Variants in KIF26B observed in about 807,000 individuals in gnomAD.
KIF26B encodes kinesin family member 26B.
Under a neutral mutation model 151.2 loss-of-function variants are expected in KIF26B, and 63 were observed. That is an observed-to-expected ratio of 0.42 (90% CI 0.34 to 0.51). The LOEUF (loss-of-function observed/expected upper bound fraction) is 0.51. KIF26B is among the 20% of genes least tolerant of loss of function. The pLI, the probability that KIF26B is intolerant of heterozygous loss-of-function variation, is 0.07. For synonymous variants in KIF26B, 1,357 were observed against 1,262.1 expected (o/e 1.08, Z -1.59); for missense variants, 2,813 against 2,913.6 (o/e 0.97, Z 0.79).
At position 245,687,863 on chromosome 1, in the gene KIF26B, T is replaced by A; in HGVS notation, c.4880T>A (p.Leu1627Gln). The A allele has an allele frequency of 6.3e-7, 1 of 1,593,296 alleles. No individual in the cohort carries two copies. Among genetic ancestry groups the A allele is most frequent in the South Asian group, 1.1e-5 (1 of 87,488 alleles). ...SASGSGTSSP[L>Q]NQPAAFPAGL... ...AGCGGCAGCGGCACCAGCAGCCCCC[T>A]GAACCAACCAGCCGCCTTCCCGGCG... The change falls in exon 12 of 15, where the codon CTG becomes CAG. Residue 1627 changes from leucine (L) to glutamine (Q), a missense_variant. Physicochemically the swap from Leu to Gln is moderately radical, Grantham distance 113. Transcript: ENST00000407071. The surrounding 1 kb of genome is among the most constrained non-coding windows in gnomAD (Gnocchi z 4.9).
intron 4 of KIF26B, among the ~76,000 whole-genome samples, chr1:245,474,204 G>A (rs539872997): frequency 2.4e-5 from 3 of 126,778 alleles, no homozygotes; most frequent in African/African-American, 5.7e-5. Context: ...TGCCTCCCGG[G>A]TTCAAGTCAT....
chr1:245,529,601 A>G (rs1452750791), intron 4 of KIF26B, among the ~76,000 whole-genome samples: 29 of 152,194 alleles, frequency 1.9e-4, no homozygotes. Context: ...TTTTGTGTAC[A>G]AAAGTGTCTA....
chr1:245,423,125 G>C (rs1023669558), intron 4 of KIF26B, among the ~76,000 whole-genome samples: 1 of 148,236 alleles, frequency 6.7e-6, no homozygotes, highest in Non-Finnish European at 1.5e-5. Context: ...AGGAAAGAAA[G>C]AAAGAAAGAA....
At chr1:245,435,915 C>T (rs545953293) in intron 4 of KIF26B, among the ~76,000 whole-genome samples, 37 of 152,244 alleles carry the variant, frequency 2.4e-4, no homozygotes, top group East Asian at 9.6e-4. Flanking sequence ...CAGTGGCTCA[C>T]GCCTGTAAAT....
At chr1:245,230,820 A>G (rs1394245045) in intron 2 of KIF26B, among the ~76,000 whole-genome samples, 1 of 152,102 alleles carries the variant, frequency 6.6e-6, no homozygotes, top group East Asian at 1.9e-4. Flanking sequence ...CATGAAGAAA[A>G]TGAAAATTGT....
chr1:245,248,708 G>A (rs1047282210), intron 2 of KIF26B, among the ~76,000 whole-genome samples: 9 of 152,096 alleles, frequency 5.9e-5, no homozygotes, highest in Non-Finnish European at 1.3e-4. Flanking sequence ...TTATCCCCAC[G>A]GTAGTTTAAA....
intron 3 of KIF26B, among the ~76,000 whole-genome samples, chr1:245,395,724 C>A (rs1673819543): frequency 6.6e-6 from 1 of 152,130 alleles, no homozygotes; most frequent in South Asian, 2.1e-4. Flanking sequence ...TGATATACCC[C>A]CCAAAGTGTC....
chr1:245,589,878 A>G (rs1180257468), intron 5 of KIF26B, among the ~76,000 whole-genome samples: 2 of 152,212 alleles, frequency 1.3e-5, no homozygotes, highest in Non-Finnish European at 2.9e-5. Flanking sequence ...ATCGGGTGCC[A>G]TGTTAGCAAG....
At chr1:245,504,077 T>A (rs1660678423) in intron 4 of KIF26B, among the ~76,000 whole-genome samples, 1 of 152,164 alleles carries the variant, frequency 6.6e-6, no homozygotes, top group South Asian at 2.1e-4. Flanking sequence ...TTCTGTCATA[T>A]CTTCTCTGCA....
chr1:245,580,133 G>T (rs1246078937), intron 5 of KIF26B, among the ~76,000 whole-genome samples: 30 of 152,268 alleles, frequency 2.0e-4, no homozygotes, highest in Non-Finnish European at 4.3e-4. Flanking sequence ...TAACAGCTGG[G>T]AAAGAACTCT....
At chr1:245,521,723 A>G (rs1661115244) in intron 4 of KIF26B, among the ~76,000 whole-genome samples, 1 of 152,220 alleles carries the variant, frequency 6.6e-6, no homozygotes, top group African/African-American at 2.4e-5. Context: ...CACTATAGAC[A>G]AGGCAATTTT....
chr1:245,384,362 T>C (rs1673489636), intron 3 of KIF26B, among the ~76,000 whole-genome samples: 1 of 152,244 alleles, frequency 6.6e-6, no homozygotes, highest in African/African-American at 2.4e-5. Flanking sequence ...GGGCTTTGTG[T>C]GTCTTAATGC....
At chr1:245,421,931 C>T (rs530841823) in intron 4 of KIF26B, among the ~76,000 whole-genome samples, 2 of 152,190 alleles carry the variant, frequency 1.3e-5, no homozygotes, top group Non-Finnish European at 2.9e-5. Context: ...AAAGGAATAA[C>T]AAATCACTAG....
At chr1:245,659,645 AC>A (rs2044112425) in intron 10 of KIF26B, among the ~76,000 whole-genome samples, 1 of 152,210 alleles carries the variant, frequency 6.6e-6, no homozygotes, top group Admixed American at 6.5e-5. Flanking sequence ...GAGCTTTTGC[AC>A]CAGTAGGACA....
intron 4 of KIF26B, among the ~76,000 whole-genome samples, chr1:245,427,438 G>A (rs772032399): frequency 8.5e-5 from 13 of 152,084 alleles, no homozygotes; most frequent in East Asian, 1.9e-4. Context: ...GAGAAACCCC[G>A]TCTCTACTAA....
At chr1:245,439,075 T>A (rs953592784) in intron 4 of KIF26B, among the ~76,000 whole-genome samples, 16 of 152,134 alleles carry the variant, frequency 1.1e-4, no homozygotes, top group African/African-American at 3.9e-4. Context: ...TGGCCAGGCA[T>A]GGTGGCTCAC....
chr1:245,682,767 C>T (rs1333317682), intron 10 of KIF26B, among the ~76,000 whole-genome samples: 2 of 152,248 alleles, frequency 1.3e-5, no homozygotes, highest in Admixed American at 1.3e-4. Context: ...ATATTGAAGA[C>T]AGAGCCCAAG....
rs548313476 is a variant in KIF26B, at chr1:245,362,304, A to G, written c.466-4530A>G. Among the ~76,000 whole-genome samples the G allele has an allele frequency of 2.7e-5, 4 of 149,892 alleles. No homozygotes were observed. In the East Asian group the frequency reaches 8.0e-4, roughly 30 times the overall value. Reference sequence around the variant, plus strand: ...AGCACGTTGGGAGGCCAAGGTGGGCAGATCACGAGGTCAAGAGATCAAGAC... The same window carrying G: ...AGCACGTTGGGAGGCCAAGGTGGGCGGATCACGAGGTCAAGAGATCAAGAC... On this transcript the variant is annotated intron_variant, in intron 2 of 14. Transcript: ENST00000407071.
At chr1:245,206,150 C>T (rs1669401849) in intron 2 of KIF26B, among the ~76,000 whole-genome samples, 1 of 152,190 alleles carries the variant, frequency 6.6e-6, no homozygotes, top group African/African-American at 2.4e-5. Context: ...TTTACTCAAA[C>T]ATAATGTCCT....
Sources: gnomAD v4.1 joint callset for allele counts (sites outside exome capture counted in the v4.1 genomes callset) on GRCh38, gnomAD v4.1.1 for gene constraint, Gnocchi (gnomAD v3.1) non-coding constraint, MANE v1.5 for transcripts, NCBI Gene and HGNC (gene_info 2026-07-23, HGNC 2026-07-21) for gene names.